Variants in SERPINC1 observed in about 807,000 individuals in gnomAD.
SERPINC1 encodes the protein serpin family C member 1.
Under a neutral mutation model 43.4 loss-of-function variants are expected in SERPINC1, and 12 were observed. The observed-to-expected ratio is 0.28, with a 90% CI of 0.18 to 0.45. The LOEUF (loss-of-function observed/expected upper bound fraction) is 0.45, where lower values mean the gene tolerates loss of function less well. SERPINC1 is among the 20% of genes least tolerant of loss of function. The pLI, the probability that SERPINC1 is intolerant of heterozygous loss-of-function variation, is 1.00. For missense variants in SERPINC1, 423 were observed against 578.8 expected, an observed-to-expected ratio of 0.73 and a Z score of 2.76; for synonymous variants, 210 against 218.9, an observed-to-expected ratio of 0.96 and a Z score of 0.36.
At chr1:173,906,974 C>T (rs187022114) in intron 6 of SERPINC1, among the ~76,000 whole-genome samples, 9 of 152,178 alleles carry the variant, frequency 5.9e-5, no homozygotes, top group Admixed American at 2.0e-4. Flanking sequence ...AAAAATTAGC[C>T]GGGCGTGATG....
At chr1:173,913,517 G>A (rs1236042751) in intron 2 of SERPINC1, among the ~76,000 whole-genome samples, 2 of 152,164 alleles carry the variant, frequency 1.3e-5, no homozygotes, top group African/African-American at 4.8e-5. Flanking sequence ...GCTCATGCTT[G>A]TAATCCCAGC....
intron 1 of SERPINC1, chr1:173,915,241 T>TA (rs1657938245): frequency 8.3e-7 from 1 of 1,200,126 alleles, no homozygotes; most frequent in Non-Finnish European, 1.1e-6. Flanking sequence ...TGTGCATGCC[T>TA]AAAAAATCGG....
chr1:173,910,611 C>A (rs1657728806), intron 4 of SERPINC1, 143 bp downstream of exon 4: 5 of 690,486 alleles, frequency 7.2e-6, no homozygotes, highest in Non-Finnish European at 1.3e-5. Flanking sequence ...AATAGATTGA[C>A]CTGCCCTGCT....
chr1:173,916,946 T>C (rs1658016596), intron 1 of SERPINC1, among the ~76,000 whole-genome samples: 1 of 152,080 alleles, frequency 6.6e-6, no homozygotes, highest in South Asian at 2.1e-4. Context: ...ATCCCGTGAG[T>C]GCTGACTTCC....
chr1:173,912,686 T>C (rs1657818021), intron 2 of SERPINC1, among the ~76,000 whole-genome samples: 2 of 152,130 alleles, frequency 1.3e-5, no homozygotes, highest in African/African-American at 2.4e-5. Flanking sequence ...AATAGGCACT[T>C]TTTTTAGGGG....
chr1:173,911,465 T>C (rs186261943), intron 3 of SERPINC1, among the ~76,000 whole-genome samples: 5 of 152,358 alleles, frequency 3.3e-5, no homozygotes, highest in East Asian at 1.9e-4. Context: ...GTACCAACTT[T>C]ATTTGACCAT....
intron 6 of SERPINC1, among the ~76,000 whole-genome samples, chr1:173,905,426 A>C (rs746545271): frequency 5.9e-5 from 9 of 151,962 alleles, no homozygotes; most frequent in Non-Finnish European, 1.3e-4. Flanking sequence ...AGGCAATTAA[A>C]ATATCTCAGT....
At chr1:173,914,146 T>C (rs1045088059) in intron 2 of SERPINC1, among the ~76,000 whole-genome samples, 2 of 151,934 alleles carry the variant, frequency 1.3e-5, no homozygotes, top group Admixed American at 6.6e-5. Flanking sequence ...CACCATATGG[T>C]AAAGCTACTC....
intron 5 of SERPINC1, among the ~76,000 whole-genome samples, chr1:173,908,536 A>C (rs952886380): frequency 1.3e-5 from 2 of 149,856 alleles, no homozygotes; most frequent in Non-Finnish European, 3.0e-5. Context: ...AAATCTAATT[A>C]CTTAACATCG....
chr1:173,910,085 T>C, intron 4 of SERPINC1, 143 bp from the exon 5 acceptor site: 1 of 834,674 alleles, frequency 1.2e-6, no homozygotes, highest in Non-Finnish European at 1.9e-6. Context: ...AGGTTAACAA[T>C]GGCTGTGTCA....
At chr1:173,915,738 T>G (rs1475968012) in intron 1 of SERPINC1, among the ~76,000 whole-genome samples, 1 of 152,190 alleles carries the variant, frequency 6.6e-6, no homozygotes, top group Non-Finnish European at 1.5e-5. Context: ...GTGCTGAAGA[T>G]TCCTACATCT....
At chr1:173,904,752 C>T (rs991778581) in intron 6 of SERPINC1, among the ~76,000 whole-genome samples, 1 of 152,136 alleles carries the variant, frequency 6.6e-6, no homozygotes, top group African/African-American at 2.4e-5. Flanking sequence ...TTCCTTCTCA[C>T]TCTTCCTTCC....
In SERPINC1 at chr1:173,914,643, A is replaced by G. The variant is rs1161781586; in HGVS notation, c.318T>C (p.Asp106=). The change falls in exon 2 of 7, where the codon GAT becomes GAC. Residue 106 remains aspartate (D), a synonymous_variant. Coordinates refer to ENST00000367698, the MANE Select transcript of SERPINC1 (RefSeq NM_000488.4). ...TACTCAGGGGTGACAGGAAAATGTT[A>G]TCATTGTCATTCTTGGAATCTGCCA... The part of the protein sequence containing the change: ...QHLADSKNDN[D]NIFLSPLSIS... The G allele has an allele frequency of 1.2e-6, 2 of 1,614,226 alleles. No homozygotes were observed. The highest frequency in any genetic ancestry group is 1.7e-6 in the Non-Finnish European group (2 of 1,180,028).
chr1:173,911,870 T>A lies in SERPINC1; in HGVS notation c.553A>T (p.Thr185Ser). ...ANRLFGDKSLTFNETYQDISE... is the reference protein window; with the variant it reads ...ANRLFGDKSLSFNETYQDISE... ...ATGTCCTGGTAGGTCTCATTGAAGG[T>A]AAGGGATTTGTCTCCAAAAAGGCGA... Residue 185 changes from threonine to serine, a missense_variant, in exon 3 of 7, where the codon ACC (threonine) becomes TCC (serine). Thr to Ser is a moderately conservative substitution (Grantham distance 58). Transcript: ENST00000367698. 6 of 1,614,160 alleles carry A rather than the reference T, an allele frequency of 3.7e-6. No homozygotes were observed. The highest frequency in any genetic ancestry group is 1.6e-4 in the Middle Eastern group (1 of 6,062).
Position 173,914,619 on chromosome 1 carries a change from A to G in SERPINC1, c.342T>C (p.Ser114=), listed in dbSNP as rs369954987. ...TGGTCATAGCAAAAGCCGTGGAGATACTCAGGGGTGACAGGAAAATGTTAT... is the reference window on the plus strand; with the variant it reads ...TGGTCATAGCAAAAGCCGTGGAGATGCTCAGGGGTGACAGGAAAATGTTAT... ...DNDNIFLSPL[S]ISTAFAMTKL... The change falls in exon 2 of 7, where the codon AGT becomes AGC. Residue 114 remains serine, a synonymous_variant. Coordinates refer to ENST00000367698, the MANE Select transcript of SERPINC1 (RefSeq NM_000488.4). 7 of 1,614,044 alleles carry G rather than the reference A, an allele frequency of 4.3e-6. No individual in the cohort carries two copies. The highest frequency in any genetic ancestry group is 5.9e-6 in the Non-Finnish European group (7 of 1,180,032).
At chr1:173,916,574 C>T (rs2227592) in intron 1 of SERPINC1, among the ~76,000 whole-genome samples, 15,191 of 150,810 alleles carry the variant, frequency 0.1, 960 homozygotes, top group East Asian at 0.31. Flanking sequence ...CTTCGGTTGC[C>T]CACTCTGTCC....
intron 1 of SERPINC1, among the ~76,000 whole-genome samples, chr1:173,915,613 G>T (rs960115489): frequency 6.6e-6 from 1 of 152,196 alleles, no homozygotes; most frequent in East Asian, 1.9e-4. Flanking sequence ...GGAGGCGAAG[G>T]TTGCAGTGAG....
intron 4 of SERPINC1, among the ~76,000 whole-genome samples, chr1:173,910,289 AGCCAATCT>A (rs1335566252): frequency 6.6e-6 from 1 of 152,184 alleles, no homozygotes; most frequent in African/African-American, 2.4e-5. Flanking sequence ...AGGTGAAAGA[AGCCAATCT>A]GCCGGGCGCG....
intron 6 of SERPINC1, among the ~76,000 whole-genome samples, chr1:173,906,371 C>T (rs140271920): frequency 1.3e-5 from 2 of 152,342 alleles, no homozygotes; most frequent in East Asian, 1.9e-4. Flanking sequence ...GATATTCAAC[C>T]GTCTTCTTTA....
Sources: gnomAD v4.1 joint callset for allele counts (sites outside exome capture counted in the v4.1 genomes callset) on GRCh38, gnomAD v4.1.1 for gene constraint, MANE v1.5 for transcripts, NCBI Gene and HGNC (gene_info 2026-07-23, HGNC 2026-07-21) for gene names.